RERE: variants seen among roughly 807,000 people sequenced by gnomAD.
RERE encodes the protein arginine-glutamic acid dipeptide repeats.
RERE carries 40 observed loss-of-function variants against 146.1 expected under a neutral mutation model. The observed-to-expected ratio is 0.27, with a 90% CI of 0.21 to 0.36. RERE has a LOEUF of 0.36. Ranked by LOEUF, RERE falls within the 10% of genes least tolerant of loss-of-function variation. The pLI, the probability that RERE is intolerant of heterozygous loss-of-function variation, is 1.00. For synonymous variants in RERE, 1,003 were observed against 866.0 expected, an observed-to-expected ratio of 1.16 and a Z score of -2.78; for missense variants, 1,933 against 2,138.7, an observed-to-expected ratio of 0.90 and a Z score of 1.90.
intron 4 of RERE, among the ~76,000 whole-genome samples, chr1:8,611,501 C>T (rs1646792914): frequency 6.6e-6 from 1 of 152,158 alleles, no homozygotes; most frequent in Non-Finnish European, 1.5e-5. Context: ...GAGACTCTGT[C>T]TCAAAACAAA....
At position 8,360,224 on chromosome 1, in the gene RERE, C is replaced by T; in HGVS notation, c.3283G>A (p.Glu1095Lys). The T allele has an allele frequency of 1.3e-6, 2 of 1,588,736 alleles. No individual in the cohort carries two copies. Among genetic ancestry groups the T allele is most frequent in the South Asian group, 2.3e-5 (2 of 87,504 alleles). ...SCPLPTVQIK[E>K]EALDDAEEPE... is the part of the protein sequence containing the mutation. ...TCCTCAGCGTCGTCCAGAGCCTCCT[C>T]CTTGATCTGGACGGTGGGGAGTGGG... Residue 1095 changes from glutamate to lysine, a missense_variant, in exon 18 of 23, where the codon GAG becomes AAG. Physicochemically the swap from Glu to Lys is moderately conservative, Grantham distance 56. Transcript: ENST00000400908.
intron 1 of RERE, among the ~76,000 whole-genome samples, chr1:8,728,710 A>G (rs921239320): frequency 2.6e-5 from 4 of 152,208 alleles, no homozygotes; most frequent in African/African-American, 9.6e-5. Flanking sequence ...CCATACCCAG[A>G]TATCTGTTAT....
intron 1 of RERE, among the ~76,000 whole-genome samples, chr1:8,662,689 C>A (rs1262432614): frequency 2.0e-5 from 3 of 151,956 alleles, no homozygotes; most frequent in Admixed American, 6.6e-5. Flanking sequence ...CAGAGTGAGA[C>A]CCTGTCTCTT....
chr1:8,664,752 A>G (rs1011174158), intron 1 of RERE, among the ~76,000 whole-genome samples: 1 of 152,098 alleles, frequency 6.6e-6, no homozygotes, highest in African/African-American at 2.4e-5. Context: ...TTATACCTCC[A>G]AACACCTCCA....
At chr1:8,537,595 T>C (rs1042790968) in intron 7 of RERE, among the ~76,000 whole-genome samples, 3 of 152,240 alleles carry the variant, frequency 2.0e-5, no homozygotes, top group Non-Finnish European at 4.4e-5. Context: ...TATATTACTA[T>C]AGATGCTTTA....
At chr1:8,489,303 T>C (rs1030974411) in intron 10 of RERE, among the ~76,000 whole-genome samples, 3 of 150,890 alleles carry the variant, frequency 2.0e-5, no homozygotes, top group African/African-American at 7.3e-5. Flanking sequence ...GAGGTTACAG[T>C]GAGCTATAAT....
At chr1:8,669,081 G>GTGTGTGTTGTC (rs1638652702) in intron 1 of RERE, among the ~76,000 whole-genome samples, 1 of 100,166 alleles carries the variant, frequency 1.0e-5, no homozygotes, top group African/African-American at 3.7e-5. Flanking sequence ...TGTGTGTTGT[G>GTGTGTGTTGTC]TTTTTAAGAC....
intron 4 of RERE, among the ~76,000 whole-genome samples, chr1:8,574,652 T>C (rs1646267939): frequency 2.6e-5 from 4 of 152,160 alleles, no homozygotes; most frequent in African/African-American, 4.8e-5. Flanking sequence ...TTCACAAACA[T>C]GCTAAGCCAA....
At chr1:8,670,720 G>A (rs6695867) in intron 1 of RERE, among the ~76,000 whole-genome samples, 95,979 of 152,080 alleles carry the variant, frequency 0.63, 30,812 homozygotes, top group East Asian at 0.83. Context: ...GGCATGTCCA[G>A]GCAACAGCAA....
chr1:8,680,877 C>T (rs1181252563), intron 1 of RERE, among the ~76,000 whole-genome samples: 3 of 152,114 alleles, frequency 2.0e-5, no homozygotes, highest in Admixed American at 2.0e-4. Context: ...GACAGGTAAA[C>T]ATACAAAGGA....
rs1339864235 is a variant in RERE, at chr1:8,353,513, A to G, written c.*1574T>C. The G allele has an allele frequency of 1.3e-5, 2 of 152,302 alleles. No homozygotes were observed. Among genetic ancestry groups the G allele is most frequent in the African/African-American group, 4.8e-5 (2 of 41,470 alleles). The allele number at this position is 152,302 out of a possible 1,614,324, so 9.4% of individuals were successfully genotyped here. A position where few individuals can be genotyped will look rare whatever the true frequency, so the allele number is the denominator to read the frequency against. Reference sequence around the variant, plus strand: ...GAAGAGACCTCCAGTGTCTGAGAGAAAAGGATCGGAAGAGGCCACGTCCTG... The same window carrying G: ...GAAGAGACCTCCAGTGTCTGAGAGAGAAGGATCGGAAGAGGCCACGTCCTG... On this transcript the variant is annotated 3_prime_UTR_variant, in exon 23 of 23. Transcript: ENST00000400908.
intron 11 of RERE, among the ~76,000 whole-genome samples, chr1:8,455,481 T>C (rs1345592517): frequency 1.3e-5 from 2 of 152,154 alleles, no homozygotes; most frequent in Non-Finnish European, 2.9e-5. Flanking sequence ...TCAGGTGATG[T>C]TGGCAATGAA....
chr1:8,732,493 G>C (rs552491585), intron 1 of RERE, among the ~76,000 whole-genome samples: 2 of 152,232 alleles, frequency 1.3e-5, no homozygotes, highest in African/African-American at 4.8e-5. Context: ...GGTTGCCAGG[G>C]GCTGGGCAAA....
At chr1:8,749,988 C>G (rs1640497725) in intron 1 of RERE, among the ~76,000 whole-genome samples, 1 of 151,912 alleles carries the variant, frequency 6.6e-6, no homozygotes, top group Non-Finnish European at 1.5e-5. Flanking sequence ...CTCATCTCTA[C>G]TAAAAATACA....
rs1219168524 is a variant in RERE at position 8,359,953 on chromosome 1, C to T, written c.3429G>A (p.Ser1143=). ...TGAAGTACAGGTCTGTCCGGGCACACGAGTTGTAGCCCCGGTCCAGGTGTT... is the reference window on the plus strand; with the variant it reads ...TGAAGTACAGGTCTGTCCGGGCACATGAGTTGTAGCCCCGGTCCAGGTGTT... ...FYKHLDRGYN[S]CARTDLYFMP... is the part of the protein sequence containing the mutation. The change falls in exon 19 of 23, where the codon TCG becomes TCA. Residue 1143 remains serine (S), a synonymous_variant. Transcript: ENST00000400908. 11 of 1,612,998 alleles carry T rather than the reference C, an allele frequency of 6.8e-6. No individual in the cohort carries two copies. Among genetic ancestry groups the T allele is most frequent in the South Asian group, 2.2e-5 (2 of 91,090 alleles).
intron 1 of RERE, among the ~76,000 whole-genome samples, chr1:8,694,974 G>GA (rs1557486302): frequency 3.7e-5 from 1 of 26,870 alleles, no homozygotes; most frequent in Non-Finnish European, 7.0e-5. Context: ...GAAATCCTAA[G>GA]GGGGGGGGGG....
chr1:8,726,147 CTTTTTTTTTTTTTT>C (rs70985511), intron 1 of RERE, among the ~76,000 whole-genome samples: 1 of 69,406 alleles, frequency 1.4e-5, no homozygotes, highest in Non-Finnish European at 2.5e-5. Flanking sequence ...TTTTTCTTTT[CTTTTTTTTTTTTTT>C]TTTTTTTTTT....
chr1:8,482,884 G>C (rs1481259058), intron 10 of RERE, among the ~76,000 whole-genome samples: 1 of 151,984 alleles, frequency 6.6e-6, no homozygotes, highest in African/African-American at 2.4e-5. Context: ...AATAAAAGTT[G>C]AAAATTATAT....
At chr1:8,605,401 G>A (rs1389852502) in intron 4 of RERE, among the ~76,000 whole-genome samples, 1 of 152,006 alleles carries the variant, frequency 6.6e-6, no homozygotes, top group Admixed American at 6.6e-5. Flanking sequence ...CAAAGTGCTG[G>A]GATTACAGAT....
Sources: gnomAD v4.1 joint callset for allele counts (sites outside exome capture counted in the v4.1 genomes callset) on GRCh38, gnomAD v4.1.1 for gene constraint, MANE v1.5 for transcripts, NCBI Gene and HGNC (gene_info 2026-07-23, HGNC 2026-07-21) for gene names.